Variants in DENND1A observed in about 807,000 individuals in gnomAD.
DENND1A encodes the protein DENN domain containing 1A, also known as DENN domain-containing protein 1A.
DENND1A carries 51 observed loss-of-function variants against 113.7 expected under a neutral mutation model. The observed-to-expected ratio is 0.45, with a 90% CI of 0.36 to 0.57. The LOEUF (loss-of-function observed/expected upper bound fraction) is 0.57, where lower values mean the gene tolerates loss of function less well. Ranked by LOEUF, DENND1A falls within the 20% of genes least tolerant of loss-of-function variation. DENND1A has a pLI of 0.00. For missense variants in DENND1A, 1,258 were observed against 1,395.9 expected, an observed-to-expected ratio of 0.90 and a Z score of 1.57; for synonymous variants, 565 against 570.8, an observed-to-expected ratio of 0.99 and a Z score of 0.14.
chr9:123,661,996 T>G (rs1185220224), intron 8 of DENND1A, among the ~76,000 whole-genome samples: 1 of 152,036 alleles, frequency 6.6e-6, no homozygotes, highest in East Asian at 1.9e-4. Flanking sequence ...TAAGAAAAGT[T>G]CTCAGCTCTA....
At position 123,382,504 on chromosome 9, in the gene DENND1A, G is replaced by T. The variant is rs751503358; in HGVS notation, c.2141C>A (p.Pro714Gln). The T allele has an allele frequency of 6.2e-7, 1 of 1,613,412 alleles. No individual in the cohort carries two copies. Among genetic ancestry groups the T allele is most frequent in the Non-Finnish European group, 8.5e-7 (1 of 1,179,384 alleles). Residue 714 changes from proline (P) to glutamine (Q), a missense_variant, in exon 24 of 24, where the codon CCA becomes CAA. Physicochemically the swap from Pro to Gln is moderately conservative, Grantham distance 76 (BLOSUM62 -1). This residue lies in a region of DENND1A where 1,159 missense variants were observed against 1,231.7 expected (regional missense o/e 0.94). Coordinates refer to ENST00000394215, the MANE Select transcript of DENND1A (RefSeq NM_001352964.2). ...QDDMAIPSKP[P>Q]AASPEKPSAL... ...TGAGGGCTTCTCAGGGGAGGCAGCT[G>T]GGGGCTTGCTGGGGATGGCCATGTC...
intron 11 of DENND1A, among the ~76,000 whole-genome samples, chr9:123,587,230 T>C (rs1022046486): frequency 2.6e-5 from 4 of 152,114 alleles, no homozygotes; most frequent in African/African-American, 9.7e-5. Context: ...AACATAGCAT[T>C]TGTATGTAGA....
chr9:123,903,375 T>C (rs545046089), intron 1 of DENND1A, among the ~76,000 whole-genome samples: 1 of 135,460 alleles, frequency 7.4e-6, no homozygotes, highest in African/African-American at 3.0e-5. Flanking sequence ...AAAAAGAAGA[T>C]GGCCGAACAG....
At chr9:123,434,975 A>G (rs2046409050) in intron 19 of DENND1A, among the ~76,000 whole-genome samples, 1 of 152,116 alleles carries the variant, frequency 6.6e-6, no homozygotes, top group African/African-American at 2.4e-5. Flanking sequence ...AGAGGAGAGG[A>G]TGAAGTAGTG....
chr9:123,894,332 C>T (rs1346948063), intron 1 of DENND1A, among the ~76,000 whole-genome samples: 1 of 152,164 alleles, frequency 6.6e-6, no homozygotes, highest in Admixed American at 6.5e-5. Flanking sequence ...AACCATCATC[C>T]GAGGTATCTA....
At position 123,622,886 on chromosome 9, in the gene DENND1A, G is replaced by T. The variant is rs190698986; in HGVS notation, c.719+7490C>A. On this transcript the variant is annotated intron_variant, in intron 10 of 23. Coordinates refer to ENST00000394215, the MANE Select transcript of DENND1A (RefSeq NM_001352964.2). ...ATGCTTTTCTCCCAGAAACAGGAAG[G>T]CTTTCCCAACACTGGCCAAGGTCAA... Among the ~76,000 whole-genome samples, 27 of 152,294 alleles carry T rather than the reference G, an allele frequency of 1.8e-4. No homozygotes were observed. The East Asian group carries it at 4.8e-3, about 27-fold the overall frequency.
intron 1 of DENND1A, among the ~76,000 whole-genome samples, chr9:123,885,664 T>C (rs1012059872): frequency 3.9e-5 from 6 of 152,264 alleles, no homozygotes; most frequent in Non-Finnish European, 8.8e-5. Flanking sequence ...TGCTCAGTTT[T>C]TGCTTCTGGG....
intron 13 of DENND1A, among the ~76,000 whole-genome samples, chr9:123,540,637 C>T (rs1365723582): frequency 1.3e-5 from 2 of 152,160 alleles, no homozygotes; most frequent in Admixed American, 6.5e-5. Context: ...AGCACTAGGG[C>T]TCGAGTCCAA....
intron 5 of DENND1A, among the ~76,000 whole-genome samples, chr9:123,690,653 T>C (rs2065133013): frequency 1.3e-5 from 2 of 152,162 alleles, no homozygotes; most frequent in Non-Finnish European, 2.9e-5. Context: ...TTATTAACTG[T>C]TAACAAAATA....
At chr9:123,674,119 T>G (rs916197403) in intron 6 of DENND1A, among the ~76,000 whole-genome samples, 3 of 152,082 alleles carry the variant, frequency 2.0e-5, no homozygotes, top group Non-Finnish European at 4.4e-5. Flanking sequence ...TGCTCCCACA[T>G]AAACATCCTT....
intron 13 of DENND1A, among the ~76,000 whole-genome samples, chr9:123,466,826 G>C (rs1016931631): frequency 1.3e-5 from 2 of 151,884 alleles, no homozygotes; most frequent in Non-Finnish European, 2.9e-5. Flanking sequence ...CTTGAGCCCA[G>C]GAGTTTGAGA....
intron 10 of DENND1A, among the ~76,000 whole-genome samples, chr9:123,616,620 G>A (rs892029945): frequency 6.6e-6 from 1 of 152,186 alleles, no homozygotes; most frequent in African/African-American, 2.4e-5. Context: ...TTTCATGCTG[G>A]GACACCTGCT....
chr9:123,755,474 T>C (rs2070456289), intron 5 of DENND1A, among the ~76,000 whole-genome samples: 1 of 151,350 alleles, frequency 6.6e-6, no homozygotes, highest in Admixed American at 6.6e-5. Context: ...GTAAAAGTTA[T>C]ACCTTCCTCT....
intron 5 of DENND1A, among the ~76,000 whole-genome samples, chr9:123,695,655 T>A (rs2065467480): frequency 6.6e-6 from 1 of 152,036 alleles, no homozygotes; most frequent in South Asian, 2.1e-4. Context: ...CAGTGTCTAG[T>A]GGGGGATTCA....
At chr9:123,453,195 C>T (rs4381016) in intron 16 of DENND1A, among the ~76,000 whole-genome samples, 144,964 of 152,216 alleles carry the variant, frequency 0.95, 69,355 homozygotes, top group Non-Finnish European at 1. Flanking sequence ...AAACCTCCAG[C>T]TGGAGAGGCA....
At chr9:123,629,328 G>T (rs1211980601) in intron 10 of DENND1A, among the ~76,000 whole-genome samples, 2 of 152,168 alleles carry the variant, frequency 1.3e-5, no homozygotes, top group Non-Finnish European at 2.9e-5. Flanking sequence ...CTCCCTTACG[G>T]ACTTCTGTTG....
chr9:123,610,012 A>C (rs1192165297), intron 10 of DENND1A, among the ~76,000 whole-genome samples: 1 of 152,222 alleles, frequency 6.6e-6, no homozygotes, highest in African/African-American at 2.4e-5. Flanking sequence ...TGGACAAAGT[A>C]CTTGGAGAGC....
intron 2 of DENND1A, among the ~76,000 whole-genome samples, chr9:123,805,960 G>GT (rs1835479222): frequency 6.6e-6 from 1 of 152,058 alleles, no homozygotes; most frequent in Non-Finnish European, 1.5e-5. Flanking sequence ...TTGGGGGGTT[G>GT]TTTTTTGTTT....
At chr9:123,571,716 C>T (rs968925756) in intron 12 of DENND1A, among the ~76,000 whole-genome samples, 99 of 152,266 alleles carry the variant, frequency 6.5e-4, no homozygotes, top group Non-Finnish European at 3.4e-4. Flanking sequence ...ATAGACATTT[C>T]GGTTACTTTC....
Sources: gnomAD v4.1 joint callset for allele counts (sites outside exome capture counted in the v4.1 genomes callset) on GRCh38, gnomAD v4.1.1 for gene constraint, gnomAD v4.1.1 regional missense constraint, MANE v1.5 for transcripts, NCBI Gene and HGNC (gene_info 2026-07-23, HGNC 2026-07-21) for gene names.